The following DDX17 variants were observed in gnomAD, a reference collection of about 807,000 sequenced individuals.
The protein encoded by DDX17 is probable ATP-dependent RNA helicase DDX17.
A neutral mutation model predicts 80.8 loss-of-function variants in DDX17; 10 were observed. The observed-to-expected ratio is 0.12, with a 90% CI of 0.08 to 0.21. The LOEUF is 0.21. Ranked by LOEUF, DDX17 falls within the 10% of genes least tolerant of loss-of-function variation. The pLI is 1.00. For synonymous variants in DDX17, 339 were observed against 336.2 expected, an observed-to-expected ratio of 1.01 and a Z score of -0.09; for missense variants, 586 against 957.4, an observed-to-expected ratio of 0.61 and a Z score of 5.12.
intron 11 of DDX17, chr22:38,491,683 A>G (rs2089714959): frequency 5.3e-6 from 1 of 189,206 alleles, no homozygotes; most frequent in African/African-American, 2.3e-5. Flanking sequence ...ACTAGCTTAC[A>G]ATAGCTAGGT....
At chr22:38,503,467 G>A (rs1279444739) in intron 1 of DDX17, among the ~76,000 whole-genome samples, 1 of 151,860 alleles carries the variant, frequency 6.6e-6, no homozygotes, top group African/African-American at 2.4e-5. Context: ...ATTTATTCAA[G>A]ACATTCTATT....
chr22:38,505,965 A>ATCCCGG lies in DDX17; in HGVS notation c.267_272dup (p.Asp93_Arg94dup), dbSNP rs1230737843. 6.3e-6 allele frequency: 10 copies of ATCCCGG among 1,581,364 alleles called. No homozygotes were observed. The highest frequency in any genetic ancestry group is 2.3e-5 in the East Asian group (1 of 43,164). ...CCCACCCTTACCCTCCACGGTCACG[A>ATCCCGG]TCCCGGTCCCGGTCCCCAAAGCCTC... On this transcript the variant is annotated inframe_insertion, in exon 1 of 13. Coordinates refer to ENST00000403230, the MANE Select transcript of DDX17 (RefSeq NM_006386.5).
rs763838043 is a variant in DDX17, at chr22:38,494,014, T to C, written c.1325+7A>G. The C allele has an allele frequency of 5.0e-6, 8 of 1,605,748 alleles. No individual in the cohort carries two copies. The highest frequency in any genetic ancestry group is 1.7e-4 in the Middle Eastern group (1 of 6,060). ...CCAGAGGTTAATTGCCTTGGTGCTA[T>C]ACTCACCCATCTCTGCGCATCCTTC... is the stretch of plus-strand genomic sequence containing the variant. On this transcript the variant is annotated splice_region_variant and intron_variant, in intron 9 of 12. Transcript: ENST00000403230.
intron 11 of DDX17, chr22:38,490,010 C>A: frequency 9.7e-7 from 1 of 1,035,484 alleles, no homozygotes; most frequent in Non-Finnish European, 1.2e-6. Context: ...CAACAGTTCA[C>A]ATGCTAATAC....
rs774419791 is a variant in DDX17, at chr22:38,506,114, C to T, written c.124G>A (p.Ala42Thr). Residue 42 changes from alanine to threonine, a missense_variant, in exon 1 of 13, where the codon GCC becomes ACC. Physicochemically the swap from Ala to Thr is moderately conservative, Grantham distance 58. This residue lies in a region of DDX17 where 215 missense variants were observed against 238.4 expected (regional missense o/e 0.90). Transcript: ENST00000403230. The stretch of plus-strand genomic sequence containing the variant: ...GGCGGCGCCTCCGCTGTTGGGGCGG[C>T]GGCAGGCGCAGCGCTCTCTCGCTCC... 21 of 1,575,626 alleles carry T rather than the reference C, an allele frequency of 1.3e-5. No homozygotes were observed. The East Asian group carries it at 4.9e-4, about 37-fold the overall frequency.
rs1191264924 is a variant in DDX17, at chr22:38,506,041, G to A, written c.197C>T (p.Ala66Val). The change falls in exon 1 of 13, where the codon GCC becomes GTC. Residue 66 changes from alanine to valine, a missense_variant. This residue lies in a region of DDX17 where 215 missense variants were observed against 238.4 expected (regional missense o/e 0.90). Coordinates refer to ENST00000403230, the MANE Select transcript of DDX17 (RefSeq NM_006386.5). ...GAGATCTGGGAGCGGGGCACGGATG[G>A]CCGGGCTCGGGAGGGCCTGCGGCTC... 9 of 1,586,452 alleles carry A rather than the reference G, an allele frequency of 5.7e-6. No individual in the cohort carries two copies. Among genetic ancestry groups the A allele is most frequent in the Non-Finnish European group, 7.7e-6 (9 of 1,167,228 alleles).
At position 38,499,869 on chromosome 22, in the gene DDX17, G is replaced by T. The variant is rs191113587; in HGVS notation, c.439-370C>A. ...AAAAAACAATGGTAATGAGGTACAA[G>T]AAGAGACAATGTTGGCTGGGCACGG... is the stretch of plus-strand genomic sequence containing the variant. On this transcript the variant is annotated intron_variant, in intron 2 of 12. Transcript: ENST00000403230. Among the ~76,000 whole-genome samples the T allele has an allele frequency of 2.0e-5, 3 of 152,210 alleles. No homozygotes were observed. In the East Asian group the frequency reaches 5.8e-4, roughly 29 times the overall value.
chr22:38,502,679 T>G (rs1278164579), intron 1 of DDX17, among the ~76,000 whole-genome samples: 1 of 152,224 alleles, frequency 6.6e-6, no homozygotes, highest in South Asian at 2.1e-4. Flanking sequence ...AATCAGAAGC[T>G]ACTTTTCCTA....
At chr22:38,488,976 T>C (rs897365393) in intron 11 of DDX17, 1 of 985,328 alleles carries the variant, frequency 1.0e-6, no homozygotes, top group Non-Finnish European at 1.2e-6. Flanking sequence ...ACAAGTTTAG[T>C]ATTCTCTCTA....
Position 38,489,955 on chromosome 22 carries a change from G to C in DDX17, c.1448-1840C>G, listed in dbSNP as rs1220327203. The C allele has an allele frequency of 4.0e-6, 4 of 1,005,620 alleles. No homozygotes were observed. The highest frequency in any genetic ancestry group is 4.8e-6 in the Non-Finnish European group (4 of 841,548). The allele number at this position is 1,005,620 out of a possible 1,614,324, so 62.3% of individuals were successfully genotyped here. On this transcript the variant is annotated intron_variant, in intron 11 of 12. Transcript: ENST00000403230. The surrounding 1 kb of genome is among the most constrained non-coding windows in gnomAD (Gnocchi z 4.6). ...TAGAACAAGTTCAATTACTACACTG[G>C]ATGCGTTAAGTGTGCTTTCCTAGCA...
intron 1 of DDX17, among the ~76,000 whole-genome samples, chr22:38,503,250 T>G (rs907652963): frequency 6.6e-6 from 1 of 152,166 alleles, no homozygotes; most frequent in Non-Finnish European, 1.5e-5. Flanking sequence ...AGCAGCTAAA[T>G]AAGGTACTTT....
At chr22:38,496,711 C>T (rs1320152666) in intron 5 of DDX17, among the ~76,000 whole-genome samples, 3 of 152,060 alleles carry the variant, frequency 2.0e-5, no homozygotes, top group African/African-American at 7.2e-5. Context: ...CATTCCTGAC[C>T]TCTAATTTAA....
intron 1 of DDX17, among the ~76,000 whole-genome samples, chr22:38,501,688 G>A (rs955906724): frequency 2.0e-5 from 3 of 152,178 alleles, no homozygotes; most frequent in African/African-American, 7.2e-5. Context: ...AGGCTGCTGA[G>A]AAAATGACCT....
chr22:38,495,284 C>T (rs2089749980), intron 6 of DDX17, among the ~76,000 whole-genome samples: 1 of 134,884 alleles, frequency 7.4e-6, no homozygotes, highest in Non-Finnish European at 1.5e-5. Flanking sequence ...CTTGCTCTGT[C>T]ACCCAGACTG....
At chr22:38,490,010 C>T (rs2089697613) in intron 11 of DDX17, 1 of 1,035,366 alleles carries the variant, frequency 9.7e-7, no homozygotes, top group Non-Finnish European at 1.2e-6. Flanking sequence ...CAACAGTTCA[C>T]ATGCTAATAC....
chr22:38,488,492 A>T, intron 11 of DDX17: 1 of 1,086,746 alleles, frequency 9.2e-7, no homozygotes, highest in Non-Finnish European at 1.1e-6. Flanking sequence ...ACAAAGTGGT[A>T]AACCACTGTG....
chr22:38,490,226 T>A, intron 11 of DDX17: 2 of 1,224,296 alleles, frequency 1.6e-6, no homozygotes, highest in Non-Finnish European at 2.1e-6. Flanking sequence ...TAGAAGATGC[T>A]GTAGCAGGGT....
Position 38,487,952 on chromosome 22 carries a change from C to T in DDX17, c.1611G>A (p.Leu537=). The change falls in exon 12 of 13, where the codon CTG becomes CTA. Residue 537 remains leucine, a synonymous_variant. Transcript: ENST00000403230. ...GATTGATAGCCTGATTGGCCTCTTC[C>T]AGCACTTTGATAAGCTCTCTGGCCT... 1.2e-6 allele frequency: 2 copies of T among 1,614,216 alleles called. No homozygotes were observed. The highest frequency in any genetic ancestry group is 2.2e-5 in the East Asian group (1 of 44,888).
In DDX17 at chr22:38,489,201, A is replaced by T; in HGVS notation, c.1448-1086T>A. 1 of 985,802 alleles carries T rather than the reference A, an allele frequency of 1.0e-6. No homozygotes were observed. The highest frequency in any genetic ancestry group is 1.2e-6 in the Non-Finnish European group (1 of 829,922). The allele number at this position is 985,802 out of a possible 1,614,324, so 61.1% of individuals were successfully genotyped here. A position where few individuals can be genotyped will look rare whatever the true frequency, so the allele number is the denominator to read the frequency against. On this transcript the variant is annotated intron_variant, in intron 11 of 12. Transcript: ENST00000403230. The surrounding 1 kb of genome is among the most constrained non-coding windows in gnomAD (Gnocchi z 4.6). The stretch of plus-strand genomic sequence containing the variant: ...CAGATTTTTGTGATATAAATAATTA[A>T]AAAACATTCTCTGTTTGTTACCAGA...
Sources: allele counts gnomAD v4.1 joint callset (sites outside exome capture counted in the v4.1 genomes callset), GRCh38; gene constraint gnomAD v4.1.1; regional missense constraint gnomAD v4.1.1; non-coding constraint Gnocchi (gnomAD v3.1); transcripts MANE v1.5; gene names NCBI Gene and HGNC (gene_info 2026-07-23, HGNC 2026-07-21).